The following SIN3A variants were observed in gnomAD, a reference collection of about 807,000 sequenced individuals.
SIN3A encodes the protein paired amphipathic helix protein Sin3a.
SIN3A carries 14 observed loss-of-function variants against 146.1 expected under a neutral mutation model. That is an observed-to-expected ratio of 0.10 (90% confidence interval 0.06 to 0.15). The LOEUF (loss-of-function observed/expected upper bound fraction) is 0.15. Among genes scored for constraint, SIN3A ranks in the 10% least tolerant of loss-of-function variants. SIN3A has a pLI of 1.00. For missense variants in SIN3A, 1,028 were observed against 1,576.0 expected, an observed-to-expected ratio of 0.65 and a Z score of 5.89; for synonymous variants, 572 against 572.0, an observed-to-expected ratio of 1.00 and a Z score of 0.00.
chr15:75,377,314 G>A (rs144702273), intron 19 of SIN3A, among the ~76,000 whole-genome samples: 1 of 152,206 alleles, frequency 6.6e-6, no homozygotes, highest in Non-Finnish European at 1.5e-5. Flanking sequence ...AGTGAAAAAA[G>A]CCAGTTTCAC....
chr15:75,375,925 T>C, intron 19 of SIN3A, 53 bp from the exon 20 acceptor site: 4 of 1,573,726 alleles, frequency 2.5e-6, no homozygotes, highest in Non-Finnish European at 3.5e-6. Context: ...CAGATTCCCG[T>C]GACTTCCCCA....
intron 20 of SIN3A, among the ~76,000 whole-genome samples, chr15:75,375,379 T>C (rs1264096276): frequency 6.6e-6 from 1 of 152,048 alleles, no homozygotes; most frequent in Non-Finnish European, 1.5e-5. Context: ...AACCAGAAGC[T>C]AGGAGAGGCC....
Position 75,401,291 on chromosome 15 carries a change from G to T in SIN3A, c.1527-351C>A, listed in dbSNP as rs146501550. Among the ~76,000 whole-genome samples, 8 of 152,248 alleles carry T rather than the reference G, an allele frequency of 5.3e-5. No homozygotes were observed. The East Asian group carries it at 1.4e-3, about 26-fold the overall frequency. On this transcript the variant is annotated intron_variant, in intron 10 of 20. Transcript: ENST00000394947. ...GCCTGTAATCCCAGCACTTTGGGAG[G>T]CCGAGGCAGGTGGATTACCTGAGGT...
intron 3 of SIN3A, among the ~76,000 whole-genome samples, chr15:75,418,188 C>T (rs975693681): frequency 5.3e-5 from 8 of 151,620 alleles, no homozygotes; most frequent in South Asian, 2.1e-4. Flanking sequence ...CCTGCCACCA[C>T]GCCCAGCTAA....
chr15:75,416,034 T>C (rs1009114341), intron 3 of SIN3A: 9 of 317,270 alleles, frequency 2.8e-5, no homozygotes, highest in East Asian at 1.7e-4. Context: ...ATGTGCATTT[T>C]TGGTAACTGT....
At position 75,370,715 on chromosome 15, in the gene SIN3A, A is replaced by C. The variant is rs1311891377; in HGVS notation, c.*1264T>G. 9.9e-5 allele frequency: 15 copies of C among 152,184 alleles called. No individual in the cohort carries two copies. Among genetic ancestry groups the C allele is most frequent in the Admixed American group, 9.8e-4 (15 of 15,272 alleles). 9.4% of individuals were successfully genotyped at this position (152,184 alleles called of 1,614,324 possible). ...TACAAACTACATAGCTTGACAACTTACCCAAATATAAAATATTTTCAGATT... is the reference window on the plus strand; with the variant it reads ...TACAAACTACATAGCTTGACAACTTCCCCAAATATAAAATATTTTCAGATT... On this transcript the variant is annotated 3_prime_UTR_variant, in exon 21 of 21. Coordinates refer to ENST00000394947, the MANE Select transcript of SIN3A (RefSeq NM_001145358.2).
chr15:75,447,551 A>G (rs2074329705), intron 1 of SIN3A: 1 of 152,248 alleles, frequency 6.6e-6, no homozygotes. Flanking sequence ...TCTCCCAGCT[A>G]GGGCTGAGTA....
At chr15:75,411,909 T>C (rs1455766920) in intron 5 of SIN3A, among the ~76,000 whole-genome samples, 166 bp from the exon 6 acceptor site, 1 of 152,238 alleles carries the variant, frequency 6.6e-6, no homozygotes, top group Non-Finnish European at 1.5e-5. Context: ...GTGGGAGTTG[T>C]AGGCGGTTCA....
intron 18 of SIN3A, 185 bp from the exon 19 acceptor site, chr15:75,380,908 A>G (rs1180706143): frequency 3.7e-6 from 2 of 543,550 alleles, no homozygotes; most frequent in Non-Finnish European, 6.7e-6. Context: ...AAATTCTGTT[A>G]GCCAGCAATA....
At chr15:75,374,505 C>T (rs915255897) in intron 20 of SIN3A, among the ~76,000 whole-genome samples, 2 of 152,236 alleles carry the variant, frequency 1.3e-5, no homozygotes, top group Non-Finnish European at 2.9e-5. Context: ...CTCTGCTCTT[C>T]CAACTTTATA....
chr15:75,394,283 G>A (rs1438075011), intron 14 of SIN3A, among the ~76,000 whole-genome samples: 1 of 152,166 alleles, frequency 6.6e-6, no homozygotes, highest in East Asian at 1.9e-4. Context: ...ACTATTTATA[G>A]TCCTGGTAGG....
At chr15:75,440,982 C>CAAAAAAA (rs769091157) in intron 1 of SIN3A, among the ~76,000 whole-genome samples, 6 of 71,426 alleles carry the variant, frequency 8.4e-5, no homozygotes, top group East Asian at 4.0e-4. Context: ...GACTCTGTCT[C>CAAAAAAA]AAAAAAAAAA....
chr15:75,383,816 G>C (rs970995779), intron 17 of SIN3A, among the ~76,000 whole-genome samples: 5 of 152,192 alleles, frequency 3.3e-5, no homozygotes, highest in African/African-American at 1.2e-4. Context: ...TTCTTGCAGA[G>C]ATGGGGTTTT....
chr15:75,449,731 G>C (rs577219027), intron 1 of SIN3A, among the ~76,000 whole-genome samples: 3 of 152,086 alleles, frequency 2.0e-5, no homozygotes, highest in Non-Finnish European at 4.4e-5. Flanking sequence ...AAAAAGAAAA[G>C]ACTTTTCACC....
intron 19 of SIN3A, among the ~76,000 whole-genome samples, chr15:75,376,859 TAAAA>T (rs200318256): frequency 2.6e-5 from 3 of 115,800 alleles, no homozygotes; most frequent in East Asian, 2.3e-4. Flanking sequence ...GACACTGTCT[TAAAA>T]AAAAAAAAAA....
upstream of SIN3A, among the ~76,000 whole-genome samples, chr15:75,452,028 C>G (rs554775147): frequency 6.6e-6 from 1 of 152,310 alleles, no homozygotes; most frequent in East Asian, 1.9e-4. Context: ...GCGTCTCAGC[C>G]ACAGGCCTAA....
rs895519208 is a variant in SIN3A at position 75,371,684 on chromosome 15, G to A, written c.*295C>T. On this transcript the variant is annotated 3_prime_UTR_variant, in exon 21 of 21. Coordinates refer to ENST00000394947, the MANE Select transcript of SIN3A (RefSeq NM_001145358.2). Reference sequence around the variant, plus strand: ...AGACTCCAGTCTTAGCTCTGCTGGTGTGTGCAAGCAAACTGCATGTCTTTG... The same window carrying A: ...AGACTCCAGTCTTAGCTCTGCTGGTATGTGCAAGCAAACTGCATGTCTTTG... 5.2e-6 allele frequency: 2 copies of A among 383,786 alleles called. No homozygotes were observed. Among genetic ancestry groups the A allele is most frequent in the Admixed American group, 8.4e-5 (2 of 23,724 alleles). 23.8% of individuals were successfully genotyped at this position (383,786 alleles called of 1,614,324 possible).
Position 75,384,314 on chromosome 15 carries a change from T to G in SIN3A, c.3145A>C (p.Thr1049Pro). ...TQNSRSLLES[T>P]YQRKAEQLMS... ...AGCTGCTCAGCTTTCCGCTGATACG[T>G]TGACTCCAGGAGGCTCCTTGAGTTC... is the stretch of plus-strand genomic sequence containing the variant. Residue 1049 changes from threonine (T) to proline (P), a missense_variant, in exon 17 of 21, where the codon ACG becomes CCG. By Grantham distance (38) the Thr-to-Pro change is conservative (BLOSUM62 -1). This residue lies in a region of SIN3A where 488 missense variants were observed against 690.2 expected (regional missense o/e 0.71). Coordinates refer to ENST00000394947, the MANE Select transcript of SIN3A (RefSeq NM_001145358.2). 6.2e-7 allele frequency: 1 copy of G among 1,613,064 alleles called. No homozygotes were observed. Among genetic ancestry groups the G allele is most frequent in the Non-Finnish European group, 8.5e-7 (1 of 1,179,400 alleles).
chr15:75,417,860 T>C (rs1452799210), intron 3 of SIN3A, among the ~76,000 whole-genome samples: 1 of 152,130 alleles, frequency 6.6e-6, no homozygotes, highest in African/African-American at 2.4e-5. Context: ...ATGAATGGGA[T>C]TAGGGACCTT....
Sources: gnomAD v4.1 joint callset for allele counts (sites outside exome capture counted in the v4.1 genomes callset) on GRCh38, gnomAD v4.1.1 for gene constraint, gnomAD v4.1.1 regional missense constraint, MANE v1.5 for transcripts, NCBI Gene and HGNC (gene_info 2026-07-23, HGNC 2026-07-21) for gene names.